NTM: variants seen among roughly 807,000 people sequenced by gnomAD.
NTM encodes the protein neurotrimin, also known as IgLON family member 2.
Under a neutral mutation model 42.1 loss-of-function variants are expected in NTM, and 13 were observed. That is an observed-to-expected ratio of 0.31 (90% confidence interval 0.20 to 0.49). NTM has a LOEUF of 0.49. Among genes scored for constraint, NTM ranks in the 20% least tolerant of loss-of-function variants. The pLI is 0.99. For missense variants in NTM, 373 were observed against 452.8 expected (o/e 0.82, Z 1.60); for synonymous variants, 187 against 179.2 (o/e 1.04, Z -0.35).
intron 2 of NTM, among the ~76,000 whole-genome samples, chr11:132,114,139 A>C (rs2063573798): frequency 6.6e-6 from 1 of 152,254 alleles, no homozygotes; most frequent in Non-Finnish European, 1.5e-5. Flanking sequence ...TGTTTAAAAA[A>C]ATAAAAGAGA....
intron 1 of NTM, among the ~76,000 whole-genome samples, chr11:131,843,089 TATG>T (rs1369951053): frequency 6.6e-6 from 1 of 151,960 alleles, no homozygotes; most frequent in East Asian, 1.9e-4. Flanking sequence ...TATAGGAAAA[TATG>T]ATGAATAATA....
intron 1 of NTM, among the ~76,000 whole-genome samples, chr11:131,688,152 C>T (rs1164941875): frequency 3.3e-5 from 5 of 152,138 alleles, no homozygotes; most frequent in Non-Finnish European, 7.4e-5. Flanking sequence ...GCCTGCAGCT[C>T]CCCAGAACGG....
intron 2 of NTM, among the ~76,000 whole-genome samples, chr11:132,074,290 C>T (rs2058078554): frequency 6.6e-6 from 1 of 152,174 alleles, no homozygotes. Flanking sequence ...GTCAGTTTCT[C>T]AGGGTCCATC....
intron 2 of NTM, among the ~76,000 whole-genome samples, chr11:132,014,551 T>C (rs934260786): frequency 3.9e-5 from 6 of 151,990 alleles, no homozygotes; most frequent in African/African-American, 1.4e-4. Flanking sequence ...CTGCATTATT[T>C]TTTGTCTTTT....
rs146083991 is a variant in NTM at position 131,671,879 on chromosome 11, G to A, written c.83-239685G>A. ...CTGAAGGCCAAGTCAAGGTTTGGGG[G>A]CTCCAAACCTTGGACAGCAGCAGGT... is the stretch of plus-strand genomic sequence containing the variant. On this transcript the variant is annotated intron_variant, in intron 1 of 8. Coordinates refer to ENST00000683400, the MANE Select transcript of NTM (RefSeq NM_001352005.2). Among the ~76,000 whole-genome samples, 318 of 152,264 alleles carry A rather than the reference G, an allele frequency of 2.1e-3. 1 individual carries two copies. Among genetic ancestry groups the A allele is most frequent in the African/African-American group, 7.4e-3 (309 of 41,566 alleles).
intron 1 of NTM, among the ~76,000 whole-genome samples, chr11:131,550,765 G>A (rs1466478929): frequency 6.6e-6 from 1 of 152,150 alleles, no homozygotes. Context: ...GAGCCCAGGA[G>A]CTTGAAGCTG....
intron 1 of NTM, chr11:131,539,487 G>C (rs2052843251): frequency 6.6e-6 from 1 of 152,304 alleles, no homozygotes; most frequent in African/African-American, 2.4e-5. Flanking sequence ...CATCATGTTT[G>C]GGGCACTCTT....
rs181723350 is a variant in NTM, at chr11:131,808,785, T to C, written c.83-102779T>C. Among the ~76,000 whole-genome samples, 105 of 152,174 alleles carry C rather than the reference T, an allele frequency of 6.9e-4. 3 individuals are homozygous for C. The East Asian group carries it at 0.02, about 28-fold the overall frequency. ...GGAGGGGGAATATTCAAAATTAGGC[T>C]GGAAAGAGAGAAAGGAGTCAAGTAC... On this transcript the variant is annotated intron_variant, in intron 1 of 8. Coordinates refer to ENST00000683400, the MANE Select transcript of NTM (RefSeq NM_001352005.2).
intron 2 of NTM, among the ~76,000 whole-genome samples, chr11:131,923,980 G>A (rs1053287085): frequency 6.6e-6 from 1 of 152,206 alleles, no homozygotes; most frequent in Admixed American, 6.5e-5. Context: ...AGTGTGAAGC[G>A]TGAAGTACTC....
chr11:131,480,398 G>A (rs1953443203), intron 1 of NTM, among the ~76,000 whole-genome samples: 1 of 152,024 alleles, frequency 6.6e-6, no homozygotes, highest in Admixed American at 6.6e-5. Flanking sequence ...CTTGATACTA[G>A]GCATTTTCAC....
intron 1 of NTM, among the ~76,000 whole-genome samples, chr11:131,579,518 A>T (rs1043887337): frequency 1.3e-5 from 2 of 152,178 alleles, no homozygotes; most frequent in Non-Finnish European, 2.9e-5. Flanking sequence ...ATATTACAGG[A>T]CCCCATAATA....
intron 1 of NTM, among the ~76,000 whole-genome samples, chr11:131,410,109 G>A (rs1946216839): frequency 6.6e-6 from 1 of 152,042 alleles, no homozygotes; most frequent in South Asian, 2.1e-4. Flanking sequence ...GCCAGGCACG[G>A]GTCTCAGAGA....
intron 1 of NTM, among the ~76,000 whole-genome samples, chr11:131,729,171 G>A (rs1163348092): frequency 6.6e-6 from 1 of 152,096 alleles, no homozygotes; most frequent in East Asian, 1.9e-4. Flanking sequence ...CAAAGGGATT[G>A]CCAATGAAGA....
intron 1 of NTM, among the ~76,000 whole-genome samples, chr11:131,853,254 T>C (rs1419165875): frequency 3.3e-5 from 5 of 152,172 alleles, no homozygotes; most frequent in African/African-American, 4.8e-5. Flanking sequence ...AACTTTTAAG[T>C]TCATGGGTAC....
At chr11:132,333,422 T>C (rs1388116391) in intron 8 of NTM, among the ~76,000 whole-genome samples, 3 of 152,100 alleles carry the variant, frequency 2.0e-5, no homozygotes, top group Non-Finnish European at 4.4e-5. Flanking sequence ...GATGACAGAG[T>C]GAGCATCTAC....
chr11:131,532,114 G>A (rs149659693), intron 1 of NTM, among the ~76,000 whole-genome samples: 123 of 152,244 alleles, frequency 8.1e-4, no homozygotes, highest in African/African-American at 2.9e-3. Flanking sequence ...CATTTTAAAC[G>A]TAAAATTTAC....
At chr11:132,063,128 T>A (rs570582486) in intron 2 of NTM, among the ~76,000 whole-genome samples, 1 of 152,164 alleles carries the variant, frequency 6.6e-6, no homozygotes, top group Non-Finnish European at 1.5e-5. Flanking sequence ...CAGATGGCTG[T>A]CTTCTCCTGT....
intron 1 of NTM, among the ~76,000 whole-genome samples, chr11:131,477,349 C>A (rs953025624): frequency 1.3e-5 from 2 of 152,022 alleles, no homozygotes; most frequent in Non-Finnish European, 2.9e-5. Flanking sequence ...CCCTAACTCA[C>A]GTCTCCCAAC....
intron 1 of NTM, among the ~76,000 whole-genome samples, chr11:131,569,649 C>T (rs538028835): frequency 6.7e-6 from 1 of 148,568 alleles, no homozygotes; most frequent in Non-Finnish European, 1.5e-5. Context: ...GTGATCACAG[C>T]TCACTACATT....
Sources: allele counts gnomAD v4.1 joint callset (sites outside exome capture counted in the v4.1 genomes callset), GRCh38; gene constraint gnomAD v4.1.1; transcripts MANE v1.5; gene names NCBI Gene and HGNC (gene_info 2026-07-23, HGNC 2026-07-21).